DNAH11: variants seen among roughly 807,000 people sequenced by gnomAD.
DNAH11 encodes axonemal beta dynein heavy chain 11.
Under a neutral mutation model 526.0 loss-of-function variants are expected in DNAH11, and 442 were observed. The ratio of observed to expected loss-of-function variants is 0.84; its 90% CI spans 0.78 to 0.91. The LOEUF (loss-of-function observed/expected upper bound fraction) is 0.91. DNAH11 is among the 40% of genes least tolerant of loss of function. DNAH11 has a pLI of 0.00. For missense variants in DNAH11, 6,989 were observed against 5,448.7 expected, an observed-to-expected ratio of 1.28 and a Z score of -8.90; for synonymous variants, 2,461 against 1,935.9, an observed-to-expected ratio of 1.27 and a Z score of -7.12.
chr7:21,697,323 A>T (rs1042335188), intron 35 of DNAH11, among the ~76,000 whole-genome samples: 9 of 152,018 alleles, frequency 5.9e-5, no homozygotes, highest in African/African-American at 2.2e-4. Flanking sequence ...ATGTTTTTCT[A>T]AATGTCCCCT....
intron 31 of DNAH11, among the ~76,000 whole-genome samples, chr7:21,682,431 C>T (rs948367845): frequency 6.2e-5 from 9 of 145,656 alleles, no homozygotes; most frequent in African/African-American, 1.8e-4. Context: ...GAGGCTGAGG[C>T]GGGAGAATGG....
chr7:21,648,702 A>G (rs1357961757), intron 28 of DNAH11, among the ~76,000 whole-genome samples: 1 of 152,350 alleles, frequency 6.6e-6, no homozygotes, highest in East Asian at 1.9e-4. Context: ...AAGTTAATTA[A>G]TATATGTTAT....
chr7:21,867,913 C>T lies in DNAH11; in HGVS notation c.11745C>T (p.Asp3915=), dbSNP rs1038075614. 9.5e-6 allele frequency: 15 copies of T among 1,581,406 alleles called. No homozygotes were observed. The East Asian group carries it at 3.4e-4, about 36-fold the overall frequency. Residue 3915 remains aspartate (D), a synonymous_variant, in exon 72 of 82, where the codon GAC becomes GAT. Coordinates refer to ENST00000409508, the MANE Select transcript of DNAH11 (RefSeq NM_001277115.2). The part of the protein sequence containing the change: ...GAKYVERTRL[D]LVKAFEESSP... ...AGTATGTGGAGAGGACCAGATTGGA[C>T]TTAGTTAAAGCATTCGAAGAAAGCA... is the stretch of plus-strand genomic sequence containing the variant.
intron 81 of DNAH11, 194 bp from the exon 82 acceptor site, chr7:21,900,813 A>C (rs892254870): frequency 1.3e-5 from 10 of 770,920 alleles, no homozygotes; most frequent in African/African-American, 1.8e-5. Context: ...ATGGAAGCAA[A>C]GCGGTGCCTC....
rs370276795 is a variant in DNAH11, at chr7:21,619,918, T to A, written c.4378-38T>A. On this transcript the variant is annotated intron_variant, in intron 24 of 81. Coordinates refer to ENST00000409508, the MANE Select transcript of DNAH11 (RefSeq NM_001277115.2). Reference sequence around the variant, plus strand: ...AATAGTCTACATATTGATTATCAATTAAATTTTGTGCACATTAATTATATT... The same window carrying A: ...AATAGTCTACATATTGATTATCAATAAAATTTTGTGCACATTAATTATATT... 215 of 1,531,390 alleles carry A rather than the reference T, an allele frequency of 1.4e-4. 1 individual carries two copies. The African/African-American group carries it at 2.9e-3, about 21-fold the overall frequency. 94.9% of individuals were successfully genotyped at this position (1,531,390 alleles called of 1,614,324 possible).
chr7:21,625,836 T>C (rs1339022246), intron 25 of DNAH11, among the ~76,000 whole-genome samples: 1 of 152,176 alleles, frequency 6.6e-6, no homozygotes, highest in Non-Finnish European at 1.5e-5. Flanking sequence ...ATTTCTACTT[T>C]TATGCCACTG....
intron 35 of DNAH11, among the ~76,000 whole-genome samples, chr7:21,694,102 A>G (rs1229415747): frequency 6.6e-6 from 1 of 152,168 alleles, no homozygotes; most frequent in African/African-American, 2.4e-5. Context: ...CCAACATTGA[A>G]CTACAATTCA....
chr7:21,816,437 A>C, intron 63 of DNAH11, 30 bp from the exon 64 acceptor site: 1 of 1,539,546 alleles, frequency 6.5e-7, no homozygotes, highest in South Asian at 1.2e-5. Context: ...CCACATGACC[A>C]ATTTGTTGCA....
rs547399175 is a variant in DNAH11, at chr7:21,895,956, C to T, written c.13049+957C>T. On this transcript the variant is annotated intron_variant, in intron 79 of 81. Transcript: ENST00000409508. The stretch of plus-strand genomic sequence containing the variant: ...GTGTTAGCCAGGATGGTCTCAATCT[C>T]CTGACCTCATGATCTGCCCGCCTCA... 3.3e-5 allele frequency among the ~76,000 whole-genome samples: 5 copies of T among 152,282 alleles called. No homozygotes were observed. The East Asian group carries it at 9.7e-4, about 29-fold the overall frequency.
chr7:21,592,349 T>C (rs538995874), intron 14 of DNAH11, among the ~76,000 whole-genome samples: 1 of 152,184 alleles, frequency 6.6e-6, no homozygotes, highest in South Asian at 2.1e-4. Context: ...ACAAAGCATA[T>C]GGATATCAGG....
intron 30 of DNAH11, among the ~76,000 whole-genome samples, chr7:21,681,069 G>T (rs971311400): frequency 1.3e-5 from 2 of 152,038 alleles, no homozygotes; most frequent in African/African-American, 4.8e-5. Flanking sequence ...TCTGTGTGAG[G>T]GGGTAATAAT....
rs775239382 is a variant in DNAH11 at position 21,591,427 on chromosome 7, G to A, written c.2517G>A (p.Gln839=). ...RTQKNVKVIQ[Q]TMRGWARCVL... The stretch of plus-strand genomic sequence containing the variant: ...AGAAAAACGTGAAGGTGATCCAGCA[G>A]ACCATGAGGGGCTGGGCCAGGTGCG... Residue 839 remains glutamine, a synonymous_variant, in exon 14 of 82, where the codon CAG becomes CAA. Coordinates refer to ENST00000409508, the MANE Select transcript of DNAH11 (RefSeq NM_001277115.2). 12 of 1,613,838 alleles carry A rather than the reference G, an allele frequency of 7.4e-6. No homozygotes were observed. In the Admixed American group the frequency reaches 1.3e-4, roughly 18 times the overall value.
intron 28 of DNAH11, among the ~76,000 whole-genome samples, chr7:21,655,087 G>T (rs73074154): frequency 0.17 from 25,958 of 149,324 alleles, 2,855 homozygotes; most frequent in East Asian, 0.36. Flanking sequence ...CCCCCAAATT[G>T]TCTGGAGCCT....
intron 49 of DNAH11, among the ~76,000 whole-genome samples, chr7:21,742,734 T>A (rs1387652155): frequency 6.6e-6 from 1 of 152,240 alleles, no homozygotes; most frequent in Non-Finnish European, 1.5e-5. Flanking sequence ...CATAAACTTC[T>A]CAGGAAGTAA....
At chr7:21,715,851 T>C (rs1189230228) in intron 42 of DNAH11, among the ~76,000 whole-genome samples, 1 of 121,986 alleles carries the variant, frequency 8.2e-6, no homozygotes, top group Admixed American at 7.9e-5. Context: ...GTAATTTATC[T>C]GATTTCCCCC....
chr7:21,843,482 G>GTTTT (rs569307380), intron 66 of DNAH11, among the ~76,000 whole-genome samples: 1 of 130,868 alleles, frequency 7.6e-6, no homozygotes, highest in Non-Finnish European at 1.6e-5. Flanking sequence ...GGTTTTTTTT[G>GTTTT]TTTTTTTTTT....
At chr7:21,647,574 C>T (rs764392184) in intron 28 of DNAH11, among the ~76,000 whole-genome samples, 2 of 151,782 alleles carry the variant, frequency 1.3e-5, no homozygotes, top group Admixed American at 6.6e-5. Flanking sequence ...GGACTACAGG[C>T]GCCTACCACC....
At chr7:21,574,536 T>TTCCCTCCC (rs200040070) in intron 8 of DNAH11, among the ~76,000 whole-genome samples, 1 of 150,480 alleles carries the variant, frequency 6.6e-6, no homozygotes, top group Non-Finnish European at 1.5e-5. Flanking sequence ...TACTTTTGTT[T>TTCCCTCCC]TCCCTCCCTC....
intron 64 of DNAH11, among the ~76,000 whole-genome samples, chr7:21,817,519 CA>C (rs10532841): frequency 0.41 from 35,018 of 86,348 alleles, 6,354 homozygotes; most frequent in Non-Finnish European, 0.5. Flanking sequence ...CCATCTCTAC[CA>C]AAAAAAAAAA....
Sources: allele counts gnomAD v4.1 joint callset (sites outside exome capture counted in the v4.1 genomes callset), GRCh38; gene constraint gnomAD v4.1.1; transcripts MANE v1.5; gene names NCBI Gene and HGNC (gene_info 2026-07-23, HGNC 2026-07-21).